Variants in SLIT2 observed in about 807,000 individuals in gnomAD.
SLIT2 encodes the protein slit homolog 2 protein.
SLIT2 carries 41 observed loss-of-function variants against 185.7 expected under a neutral mutation model. The ratio of observed to expected loss-of-function variants is 0.22; its 90% CI spans 0.17 to 0.29. The LOEUF (loss-of-function observed/expected upper bound fraction) is 0.29. Among genes scored for constraint, SLIT2 ranks in the 10% least tolerant of loss-of-function variants. SLIT2 has a pLI of 1.00. For synonymous variants in SLIT2, 693 were observed against 680.2 expected (o/e 1.02, Z -0.29); for missense variants, 1,571 against 1,909.0 (o/e 0.82, Z 3.30).
intron 4 of SLIT2, among the ~76,000 whole-genome samples, chr4:20,278,423 T>G (rs1353654344): frequency 1.3e-5 from 2 of 152,144 alleles, no homozygotes; most frequent in Admixed American, 1.3e-4. Flanking sequence ...TTTTATGATG[T>G]TATATGCTCT....
chr4:20,258,012 T>G (rs1055467327), intron 3 of SLIT2, 73 bp downstream of exon 3: 7 of 757,730 alleles, frequency 9.2e-6, no homozygotes, highest in Non-Finnish European at 1.6e-5. Context: ...TCAAGCATCA[T>G]GTCTTCAATT....
chr4:20,396,517 T>G (rs1332549942), intron 4 of SLIT2, among the ~76,000 whole-genome samples: 1 of 151,838 alleles, frequency 6.6e-6, no homozygotes, highest in Non-Finnish European at 1.5e-5. Flanking sequence ...CTGGGTGTTG[T>G]TATTACCAGA....
intron 18 of SLIT2, among the ~76,000 whole-genome samples, chr4:20,537,991 G>T (rs562895572): frequency 6.6e-6 from 1 of 151,950 alleles, no homozygotes; most frequent in Non-Finnish European, 1.5e-5. Context: ...ACGGAGTCTC[G>T]CTCTGTCGCC....
At chr4:20,575,454 A>G (rs1726006972) in intron 29 of SLIT2, among the ~76,000 whole-genome samples, 1 of 152,202 alleles carries the variant, frequency 6.6e-6, no homozygotes, top group South Asian at 2.1e-4. Flanking sequence ...GAACAACACA[A>G]AGGTGGGAAA....
chr4:20,463,808 G>A lies in SLIT2; in HGVS notation c.396-3944G>A, dbSNP rs537018168. ...GGAGAATGTCGTGAACCCAGGAGGT[G>A]GAGCTTGCAGTGAGCCGAGATGGCG... On this transcript the variant is annotated intron_variant, in intron 4 of 36. Transcript: ENST00000504154. 1.3e-4 allele frequency among the ~76,000 whole-genome samples: 19 copies of A among 150,544 alleles called. No individual in the cohort carries two copies. In the South Asian group the frequency reaches 3.8e-3, roughly 30 times the overall value.
Position 20,575,406 on chromosome 4 carries a change from G to T in SLIT2, c.3088+6402G>T, listed in dbSNP as rs567586916. On this transcript the variant is annotated intron_variant, in intron 29 of 36. Transcript: ENST00000504154. ...ATAAAAAGAATGTATATCATTAGTC[G>T]ATACATTGTTAATTTAAAAGAACTC... 7.2e-5 allele frequency among the ~76,000 whole-genome samples: 11 copies of T among 152,054 alleles called. 1 individual carries two copies. Among genetic ancestry groups the T allele is most frequent in the African/African-American group, 1.9e-4 (8 of 41,462 alleles).
chr4:20,381,389 C>G (rs371335991), intron 4 of SLIT2, among the ~76,000 whole-genome samples: 2 of 151,310 alleles, frequency 1.3e-5, no homozygotes, highest in Admixed American at 1.3e-4. Flanking sequence ...AGAAACTACA[C>G]AAGCCATAAG....
At chr4:20,342,288 C>T (rs543995733) in intron 4 of SLIT2, among the ~76,000 whole-genome samples, 2 of 152,076 alleles carry the variant, frequency 1.3e-5, no homozygotes, top group African/African-American at 2.4e-5. Context: ...CTAATAGACA[C>T]ATTAAAATAA....
chr4:20,475,780 A>T (rs938650513), intron 5 of SLIT2, among the ~76,000 whole-genome samples: 1 of 152,082 alleles, frequency 6.6e-6, no homozygotes, highest in African/African-American at 2.4e-5. Flanking sequence ...CTTAATGTCA[A>T]TGTAGTTGTC....
At chr4:20,568,600 G>T (rs534813854) in intron 28 of SLIT2, among the ~76,000 whole-genome samples, 1 of 151,990 alleles carries the variant, frequency 6.6e-6, no homozygotes, top group Admixed American at 6.6e-5. Flanking sequence ...AAATACAGTG[G>T]GTTTGTTGAC....
intron 15 of SLIT2, among the ~76,000 whole-genome samples, chr4:20,525,965 T>G (rs755602349): frequency 5.9e-5 from 9 of 152,260 alleles, no homozygotes; most frequent in Non-Finnish European, 1.2e-4. Context: ...TAAAATACGT[T>G]TCTTTACTTA....
chr4:20,378,602 T>C (rs139344507), intron 4 of SLIT2, among the ~76,000 whole-genome samples: 1 of 152,264 alleles, frequency 6.6e-6, no homozygotes, highest in African/African-American at 2.4e-5. Context: ...ATTTGATTCA[T>C]CCATACATTT....
intron 14 of SLIT2, 27 bp downstream of exon 14, chr4:20,524,204 T>G: frequency 6.2e-7 from 1 of 1,610,512 alleles, no homozygotes; most frequent in Non-Finnish European, 8.5e-7. Context: ...TTATTTCCCC[T>G]GTGACCAACA....
At chr4:20,274,188 C>T (rs1213077532) in intron 4 of SLIT2, among the ~76,000 whole-genome samples, 2 of 152,150 alleles carry the variant, frequency 1.3e-5, no homozygotes, top group Non-Finnish European at 2.9e-5. Flanking sequence ...AGAGAGAAAA[C>T]TTAGAAAAGT....
chr4:20,391,550 C>G (rs950622945), intron 4 of SLIT2, among the ~76,000 whole-genome samples: 2 of 152,126 alleles, frequency 1.3e-5, no homozygotes, highest in African/African-American at 4.8e-5. Flanking sequence ...TTTCATGACA[C>G]AATTCATTTG....
intron 6 of SLIT2, among the ~76,000 whole-genome samples, chr4:20,482,030 TA>T (rs1449980368): frequency 6.6e-6 from 1 of 151,974 alleles, no homozygotes; most frequent in Non-Finnish European, 1.5e-5. Context: ...GACCACTATT[TA>T]AATTGTATAC....
intron 3 of SLIT2, among the ~76,000 whole-genome samples, chr4:20,264,864 A>G (rs1447448314): frequency 6.6e-6 from 1 of 151,936 alleles, no homozygotes; most frequent in African/African-American, 2.4e-5. Context: ...AGAATTATCA[A>G]GCATTTCTGG....
intron 29 of SLIT2, among the ~76,000 whole-genome samples, chr4:20,584,676 T>C (rs61399747): frequency 0.067 from 10,178 of 152,316 alleles, 505 homozygotes; most frequent in African/African-American, 0.14. Context: ...GCATGCTCTT[T>C]CACAAGTTGT....
chr4:20,286,575 A>G (rs538305722), intron 4 of SLIT2, among the ~76,000 whole-genome samples: 1 of 152,098 alleles, frequency 6.6e-6, no homozygotes, highest in Non-Finnish European at 1.5e-5. Context: ...GCCGAGGTGG[A>G]TGAACACCTG....
Sources: allele counts gnomAD v4.1 joint callset (sites outside exome capture counted in the v4.1 genomes callset), GRCh38; gene constraint gnomAD v4.1.1; transcripts MANE v1.5; gene names NCBI Gene and HGNC (gene_info 2026-07-23, HGNC 2026-07-21).